Variants in TRHDE observed in about 807,000 individuals in gnomAD.
The protein encoded by TRHDE is thyrotropin releasing hormone degrading enzyme.
TRHDE carries 72 observed loss-of-function variants against 125.7 expected under a neutral mutation model. The observed-to-expected ratio is 0.57, with a 90% CI of 0.47 to 0.70. TRHDE has a LOEUF of 0.70. Among genes scored for constraint, TRHDE ranks in the 30% least tolerant of loss-of-function variants. The probability of loss-of-function intolerance (pLI) is 0.00; values close to 1 mark genes in which losing one functional copy is unlikely to be tolerated. For synonymous variants in TRHDE, 509 were observed against 509.1 expected (o/e 1.00, Z 0.00); for missense variants, 1,110 against 1,327.1 (o/e 0.84, Z 2.54).
At chr12:72,095,273 C>T (rs1329852968) in intron 1 of TRHDE, among the ~76,000 whole-genome samples, 1 of 152,160 alleles carries the variant, frequency 6.6e-6, no homozygotes, top group Non-Finnish European at 1.5e-5. Flanking sequence ...CAGCACATGT[C>T]CTACTTTTAT....
intron 18 of TRHDE, 32 bp downstream of exon 18, chr12:72,657,040 T>G (rs746620887): frequency 7.4e-7 from 1 of 1,360,172 alleles, no homozygotes; most frequent in Non-Finnish European, 1.0e-6. Flanking sequence ...CTAATTATTT[T>G]CTTTTATAAA....
chr12:72,110,240 A>G (rs1875285376), intron 2 of TRHDE, among the ~76,000 whole-genome samples: 1 of 152,098 alleles, frequency 6.6e-6, no homozygotes, highest in Non-Finnish European at 1.5e-5. Flanking sequence ...AAACTTGATT[A>G]CTCCAAGCGA....
At chr12:72,316,726 A>G (rs1359715838) in intron 2 of TRHDE, among the ~76,000 whole-genome samples, 1 of 152,248 alleles carries the variant, frequency 6.6e-6, no homozygotes, top group Non-Finnish European at 1.5e-5. Flanking sequence ...CAAAGATCCC[A>G]TCATATGAAT....
chr12:72,406,400 C>T (rs1051130271), intron 3 of TRHDE, among the ~76,000 whole-genome samples: 3 of 152,122 alleles, frequency 2.0e-5, no homozygotes, highest in Non-Finnish European at 4.4e-5. Context: ...TGCTTCTGAG[C>T]AGAGGTCAAG....
intron 2 of TRHDE, among the ~76,000 whole-genome samples, chr12:72,194,997 G>T (rs1291609966): frequency 6.6e-6 from 1 of 152,032 alleles, no homozygotes; most frequent in Non-Finnish European, 1.5e-5. Context: ...AGTTCTGCAG[G>T]GCTGGGGTGG....
chr12:72,188,063 A>G (rs1391989016), intron 2 of TRHDE, among the ~76,000 whole-genome samples: 1 of 152,260 alleles, frequency 6.6e-6, no homozygotes, highest in Non-Finnish European at 1.5e-5. Context: ...TGATAAACTT[A>G]ATTAACAGTG....
intron 2 of TRHDE, among the ~76,000 whole-genome samples, chr12:72,292,971 C>T (rs911038825): frequency 1.3e-5 from 2 of 152,048 alleles, no homozygotes; most frequent in East Asian, 1.9e-4. Context: ...CTCTGCTCCA[C>T]GATGTCTGAG....
At chr12:72,259,016 TC>T (rs1394287274) in intron 2 of TRHDE, among the ~76,000 whole-genome samples, 4 of 152,150 alleles carry the variant, frequency 2.6e-5, no homozygotes, top group African/African-American at 9.7e-5. Context: ...GTTAACTTTT[TC>T]TCCCTTTGTA....
chr12:72,476,794 C>CG (rs1324747155), intron 5 of TRHDE, among the ~76,000 whole-genome samples: 1 of 152,140 alleles, frequency 6.6e-6, no homozygotes, highest in Non-Finnish European at 1.5e-5. Context: ...GTTAAGGAGG[C>CG]TCTTGTTCTG....
At chr12:72,221,280 A>G (rs1174643718) in intron 2 of TRHDE, among the ~76,000 whole-genome samples, 1 of 152,122 alleles carries the variant, frequency 6.6e-6, no homozygotes, top group Non-Finnish European at 1.5e-5. Flanking sequence ...GAATAAATTT[A>G]TGAAGAAATC....
At chr12:72,335,023 G>A (rs1356876367) in intron 2 of TRHDE, among the ~76,000 whole-genome samples, 1 of 152,182 alleles carries the variant, frequency 6.6e-6, no homozygotes, top group Non-Finnish European at 1.5e-5. Context: ...AGAGAGGGTA[G>A]GCAGGAGAGA....
At chr12:72,401,252 C>A (rs931362407) in intron 3 of TRHDE, among the ~76,000 whole-genome samples, 1 of 152,184 alleles carries the variant, frequency 6.6e-6, no homozygotes, top group Non-Finnish European at 1.5e-5. Flanking sequence ...ATACTAACTA[C>A]GGCAACAATA....
chr12:72,162,520 A>G (rs73135434), intron 2 of TRHDE, among the ~76,000 whole-genome samples: 1 of 152,296 alleles, frequency 6.6e-6, no homozygotes, highest in Non-Finnish European at 1.5e-5. Context: ...TTTTTCATTC[A>G]CAGTAGTGGC....
intron 2 of TRHDE, among the ~76,000 whole-genome samples, chr12:72,151,652 A>G (rs1592460177): frequency 6.6e-6 from 1 of 152,098 alleles, no homozygotes; most frequent in South Asian, 2.1e-4. Flanking sequence ...TTAAATAGGG[A>G]ATCCTTTCCC....
chr12:72,254,860 T>C (rs1165856850), intron 2 of TRHDE: 3 of 152,194 alleles, frequency 2.0e-5, no homozygotes, highest in Non-Finnish European at 4.4e-5. Flanking sequence ...TCCATTAGCA[T>C]ATGAACATGC....
intron 3 of TRHDE, among the ~76,000 whole-genome samples, chr12:72,426,988 C>T (rs1382088770): frequency 6.6e-6 from 1 of 151,934 alleles, no homozygotes; most frequent in Non-Finnish European, 1.5e-5. Flanking sequence ...CTCGGATGGC[C>T]CAGAACACTA....
intron 2 of TRHDE, among the ~76,000 whole-genome samples, chr12:72,360,290 C>T (rs1485595448): frequency 1.3e-5 from 2 of 151,732 alleles, no homozygotes; most frequent in African/African-American, 4.8e-5. Flanking sequence ...CCATAATGTG[C>T]AAGGCTGTCA....
chr12:72,217,076 T>C (rs866439647), intron 2 of TRHDE, among the ~76,000 whole-genome samples: 2 of 152,118 alleles, frequency 1.3e-5, no homozygotes, highest in Non-Finnish European at 2.9e-5. Flanking sequence ...GGAATTTCAG[T>C]GTACATTGCT....
At chr12:72,466,275 C>T (rs563157192) in intron 3 of TRHDE, among the ~76,000 whole-genome samples, 2 of 152,296 alleles carry the variant, frequency 1.3e-5, no homozygotes, top group African/African-American at 2.4e-5. Flanking sequence ...ATAGAGTCTT[C>T]TTCCTGTGCT....
Sources: gnomAD v4.1 joint callset for allele counts (sites outside exome capture counted in the v4.1 genomes callset) on GRCh38, gnomAD v4.1.1 for gene constraint, MANE v1.5 for transcripts, NCBI Gene and HGNC (gene_info 2026-07-23, HGNC 2026-07-21) for gene names.